Variants in ARPC2 observed in about 807,000 individuals in gnomAD.
The protein encoded by ARPC2 is actin related protein 2/3 complex subunit 2, also known as actin-related protein 2/3 complex subunit 2.
A neutral mutation model predicts 38.6 loss-of-function variants in ARPC2; 4 were observed. The ratio of observed to expected loss-of-function variants is 0.10; its 90% CI spans 0.05 to 0.24. ARPC2 has a LOEUF of 0.24. ARPC2 is among the 10% of genes least tolerant of loss of function. ARPC2 has a pLI of 1.00. For missense variants in ARPC2, 229 were observed against 387.3 expected (o/e 0.59, Z 3.43); for synonymous variants, 125 against 140.8 (o/e 0.89, Z 0.79).
intron 7 of ARPC2, among the ~76,000 whole-genome samples, chr2:218,240,623 G>A (rs1689889651): frequency 6.6e-6 from 1 of 152,156 alleles, no homozygotes; most frequent in Non-Finnish European, 1.5e-5. Context: ...CAGGCGCGGT[G>A]GCTGACGCCT....
At chr2:218,238,515 A>G (rs1689828410) in intron 5 of ARPC2, 149 bp from the exon 6 acceptor site, 1 of 545,010 alleles carries the variant, frequency 1.8e-6, no homozygotes, top group African/African-American at 1.9e-5. Context: ...AATGAGACAA[A>G]ATGTCAATAG....
Position 218,254,025 on chromosome 2 carries a change from G to A in ARPC2, c.*110G>A, listed in dbSNP as rs562800634. On this transcript the variant is annotated 3_prime_UTR_variant, in exon 11 of 11. Transcript: ENST00000315717. Reference sequence around the variant, plus strand: ...TCTTCAGGTTCTTAAGGGATTCTCCGTTTTGGTTCCATTTTGTACACGTTT... The same window carrying A: ...TCTTCAGGTTCTTAAGGGATTCTCCATTTTGGTTCCATTTTGTACACGTTT... 167 of 1,458,394 alleles carry A rather than the reference G, an allele frequency of 1.1e-4. No homozygotes were observed. The highest frequency in any genetic ancestry group is 1.1e-3 in the African/African-American group (76 of 70,608). The allele number at this position is 1,458,394 out of a possible 1,614,324, so 90.3% of individuals were successfully genotyped here.
chr2:218,243,515 C>A (rs1170865552), intron 7 of ARPC2, among the ~76,000 whole-genome samples: 1 of 152,190 alleles, frequency 6.6e-6, no homozygotes, highest in African/African-American at 2.4e-5. Flanking sequence ...CAGTGGCTCA[C>A]GCCTGTAATC....
chr2:218,224,959 C>G (rs1229980609), intron 2 of ARPC2, among the ~76,000 whole-genome samples: 1 of 152,172 alleles, frequency 6.6e-6, no homozygotes, highest in African/African-American at 2.4e-5. Flanking sequence ...AGGTCTTGAG[C>G]AAGTTAGACA....
intron 4 of ARPC2, chr2:218,234,013 A>G (rs1689706885): frequency 6.0e-6 from 1 of 167,878 alleles, no homozygotes; most frequent in Admixed American, 6.4e-5. Flanking sequence ...AAAAATACAA[A>G]AAAAAATTAG....
chr2:218,253,896 A>G lies in ARPC2; in HGVS notation c.884A>G (p.Lys295Arg). 1 of 1,613,962 alleles carries G rather than the reference A, an allele frequency of 6.2e-7. No individual in the cohort carries two copies. The highest frequency in any genetic ancestry group is 8.5e-7 in the Non-Finnish European group (1 of 1,179,990). Residue 295 changes from lysine to arginine, a missense_variant, in exon 11 of 11, where the codon AAG becomes AGG. By Grantham distance (26) the Lys-to-Arg change is conservative. Around this residue, in one of 3 missense-constraint regions of ARPC2, gnomAD observed 92 missense variants for 152.3 expected, o/e 0.60. Coordinates refer to ENST00000315717, the MANE Select transcript of ARPC2 (RefSeq NM_152862.3). The stretch of plus-strand genomic sequence containing the variant: ...ACTTATCTCTCCTTTTGAAGGGGGA[A>G]GACGTTTTCATCCCGCTAATCTTGG... Reference protein sequence around the residue: ...EKKEMKTITGKTFSSR With the variant: ...EKKEMKTITGRTFSSR
chr2:218,220,176 G>A (rs1326001392), intron 2 of ARPC2, among the ~76,000 whole-genome samples: 2 of 152,168 alleles, frequency 1.3e-5, no homozygotes, highest in African/African-American at 4.8e-5. Flanking sequence ...GTTTGGAGGA[G>A]AAACCCTGGA....
At chr2:218,253,738 G>T (rs972173616) in intron 10 of ARPC2, among the ~76,000 whole-genome samples, 153 bp from the exon 11 acceptor site, 2 of 152,102 alleles carry the variant, frequency 1.3e-5, no homozygotes, top group South Asian at 2.1e-4. Context: ...GATTTTAGCC[G>T]ATGTCCTGTG....
At chr2:218,225,842 C>A in intron 2 of ARPC2, 78 bp from the exon 3 acceptor site, 1 of 1,368,400 alleles carries the variant, frequency 7.3e-7, no homozygotes, top group Non-Finnish European at 1.0e-6. Context: ...AAGTGAAGCT[C>A]AGGTGCCTTT....
chr2:218,237,372 T>C (rs1689798981), intron 5 of ARPC2, among the ~76,000 whole-genome samples: 1 of 151,778 alleles, frequency 6.6e-6, no homozygotes. Context: ...GCTAATTTTG[T>C]ATTTTTATTA....
chr2:218,249,646 A>G, intron 9 of ARPC2, 175 bp from the exon 10 acceptor site: 2 of 744,088 alleles, frequency 2.7e-6, no homozygotes, highest in Non-Finnish European at 4.4e-6. Context: ...CCCTCCCTAT[A>G]GCAGAGATGA....
intron 5 of ARPC2, chr2:218,235,407 A>G (rs770118165): frequency 6.6e-6 from 1 of 152,492 alleles, no homozygotes; most frequent in African/African-American, 2.4e-5. Flanking sequence ...AAAACAGAGT[A>G]AGGAGGTCTC....
chr2:218,230,811 A>G (rs1365419045), intron 4 of ARPC2, among the ~76,000 whole-genome samples: 1 of 151,982 alleles, frequency 6.6e-6, no homozygotes, highest in East Asian at 1.9e-4. Context: ...GGAGCCCAGG[A>G]GTTCAAGTCC....
chr2:218,233,769 C>T (rs1400077377), intron 4 of ARPC2: 1 of 152,152 alleles, frequency 6.6e-6, no homozygotes, highest in Non-Finnish European at 1.5e-5. Flanking sequence ...CATCCTTTTG[C>T]TCTCTTGAAA....
rs1690257953 is a variant in ARPC2, at chr2:218,254,011, T to C, written c.*96T>C. 6.5e-7 allele frequency: 1 copy of C among 1,529,448 alleles called. No homozygotes were observed. Among genetic ancestry groups the C allele is most frequent in the Non-Finnish European group, 9.0e-7 (1 of 1,112,014 alleles). 94.7% of individuals were successfully genotyped at this position (1,529,448 alleles called of 1,614,324 possible). ...TTTAATGTTGCGCCTCTTCAGGTTC[T>C]TAAGGGATTCTCCGTTTTGGTTCCA... On this transcript the variant is annotated 3_prime_UTR_variant, in exon 11 of 11. Coordinates refer to ENST00000315717, the MANE Select transcript of ARPC2 (RefSeq NM_152862.3).
chr2:218,225,722 C>T (rs568366405), intron 2 of ARPC2, among the ~76,000 whole-genome samples, 198 bp from the exon 3 acceptor site: 9 of 150,942 alleles, frequency 6.0e-5, no homozygotes, highest in African/African-American at 2.2e-4. Flanking sequence ...ATCTGACCTT[C>T]CTTTTTTATC....
chr2:218,252,882 A>T (rs114878161), intron 10 of ARPC2: 12,922 of 456,248 alleles, frequency 0.028, 237 homozygotes, highest in Middle Eastern at 0.04. Context: ...AAATGAACAG[A>T]CTGTTCATAA....
chr2:218,247,795 TAGCTG>T (rs1559483463), intron 8 of ARPC2, among the ~76,000 whole-genome samples: 2 of 151,978 alleles, frequency 1.3e-5, no homozygotes, highest in Non-Finnish European at 2.9e-5. Flanking sequence ...TACAAAAACT[TAGCTG>T]GGCGTGGTGG....
intron 9 of ARPC2, 152 bp downstream of exon 9, chr2:218,249,616 A>G: frequency 1.3e-6 from 1 of 761,124 alleles, no homozygotes; most frequent in East Asian, 2.7e-5. Flanking sequence ...GTCTTTCTTC[A>G]TCAAGCCACT....
Sources: gnomAD v4.1 joint callset for allele counts (sites outside exome capture counted in the v4.1 genomes callset) on GRCh38, gnomAD v4.1.1 for gene constraint, gnomAD v4.1.1 regional missense constraint, MANE v1.5 for transcripts, NCBI Gene and HGNC (gene_info 2026-07-23, HGNC 2026-07-21) for gene names.